The following MGAT4C variants were observed in gnomAD, a reference collection of about 807,000 sequenced individuals.
MGAT4C encodes alpha-1,3-mannosyl-glycoprotein 4-beta-N-acetylglucosaminyltransferase C.
In MGAT4C, 19 loss-of-function variants were observed where a neutral mutation model predicts 40.1. The observed-to-expected ratio is 0.47, with a 90% confidence interval of 0.33 to 0.70. The LOEUF (loss-of-function observed/expected upper bound fraction) is 0.70, where lower values mean the gene tolerates loss of function less well. Ranked by LOEUF, MGAT4C falls within the 30% of genes least tolerant of loss-of-function variation. MGAT4C has a pLI of 0.02. For synonymous variants in MGAT4C, 181 were observed against 187.1 expected, an observed-to-expected ratio of 0.97 and a Z score of 0.27; for missense variants, 491 against 563.2, an observed-to-expected ratio of 0.87 and a Z score of 1.30.
intron 2 of MGAT4C, among the ~76,000 whole-genome samples, chr12:86,548,644 C>T (rs1192255975): frequency 1.3e-5 from 2 of 152,152 alleles, no homozygotes; most frequent in African/African-American, 2.4e-5. Flanking sequence ...GCACAGAGCA[C>T]AGAGTCTGCA....
intron 2 of MGAT4C, among the ~76,000 whole-genome samples, chr12:86,534,683 G>A (rs1369273116): frequency 6.6e-6 from 1 of 152,034 alleles, no homozygotes; most frequent in African/African-American, 2.4e-5. Flanking sequence ...TAGTAACTAT[G>A]TCTTTTGACT....
chr12:86,742,835 A>G (rs1442117504), intron 1 of MGAT4C, among the ~76,000 whole-genome samples: 1 of 151,614 alleles, frequency 6.6e-6, no homozygotes, highest in Non-Finnish European at 1.5e-5. Flanking sequence ...AACATATCTT[A>G]AATCTTCCAT....
At chr12:86,377,572 T>G (rs568966126) in intron 3 of MGAT4C, among the ~76,000 whole-genome samples, 1 of 152,226 alleles carries the variant, frequency 6.6e-6, no homozygotes, top group Non-Finnish European at 1.5e-5. Context: ...CTCTTAACGA[T>G]GTTTTAATTT....
At chr12:86,475,560 C>T (rs1289492197) in intron 2 of MGAT4C, among the ~76,000 whole-genome samples, 1 of 151,850 alleles carries the variant, frequency 6.6e-6, no homozygotes, top group African/African-American at 2.4e-5. Flanking sequence ...GATTTTATGA[C>T]ACAGAATCTA....
chr12:86,303,460 A>G (rs973766522), intron 4 of MGAT4C, among the ~76,000 whole-genome samples: 1 of 150,254 alleles, frequency 6.7e-6, no homozygotes. Flanking sequence ...CGAAAATTCT[A>G]TTAATATCTC....
chr12:86,782,336 T>G (rs913027223), intron 1 of MGAT4C, among the ~76,000 whole-genome samples: 4 of 151,434 alleles, frequency 2.6e-5, no homozygotes, highest in Admixed American at 1.3e-4. Flanking sequence ...CGCCCGCCAC[T>G]ACGCCCGGCT....
chr12:86,552,487 A>T (rs2136398144), intron 2 of MGAT4C, among the ~76,000 whole-genome samples: 1 of 152,226 alleles, frequency 6.6e-6, no homozygotes, highest in African/African-American at 2.4e-5. Flanking sequence ...GTTAACAATA[A>T]TATATCATAT....
At chr12:86,398,085 G>T (rs1429378666) in intron 3 of MGAT4C, among the ~76,000 whole-genome samples, 1 of 152,198 alleles carries the variant, frequency 6.6e-6, no homozygotes, top group African/African-American at 2.4e-5. Flanking sequence ...GTGTGTATTA[G>T]TTTCCTGATG....
chr12:86,464,719 C>A (rs1473857961), intron 2 of MGAT4C, among the ~76,000 whole-genome samples: 1 of 151,966 alleles, frequency 6.6e-6, no homozygotes. Context: ...CAAAGGGAGT[C>A]TAGTCTATAA....
At chr12:86,279,469 G>A (rs79280570) in intron 4 of MGAT4C, among the ~76,000 whole-genome samples, 32 of 152,116 alleles carry the variant, frequency 2.1e-4, no homozygotes, top group African/African-American at 7.5e-4. Context: ...AGCCACAAGT[G>A]ATTCTTTAAT....
intron 2 of MGAT4C, among the ~76,000 whole-genome samples, chr12:86,603,058 C>G (rs996007898): frequency 6.6e-6 from 1 of 151,344 alleles, no homozygotes; most frequent in Admixed American, 6.6e-5. Context: ...GGAATCTAAA[C>G]CAGTGAAATT....
At chr12:86,229,807 A>G (rs929244408) in intron 1 of MGAT4C, among the ~76,000 whole-genome samples, 1 of 152,078 alleles carries the variant, frequency 6.6e-6, no homozygotes, top group Non-Finnish European at 1.5e-5. Context: ...AGGAAACATT[A>G]TATTACTTAT....
chr12:86,287,074 G>C (rs761178946), intron 4 of MGAT4C, among the ~76,000 whole-genome samples: 1 of 152,150 alleles, frequency 6.6e-6, no homozygotes, highest in Non-Finnish European at 1.5e-5. Flanking sequence ...CTTTATGGTA[G>C]AGTGAGTTAT....
Position 86,690,267 on chromosome 12 carries a change from C to A in MGAT4C, c.-229+36942G>T, listed in dbSNP as rs535369753. 5.9e-5 allele frequency among the ~76,000 whole-genome samples: 9 copies of A among 152,270 alleles called. No individual in the cohort carries two copies. The South Asian group carries it at 1.9e-3, about 32-fold the overall frequency. ...TTGCTTGGTTCAATGGAAGTGGGAT[C>A]CACTAAGCAAGACCACTTGGCTCCC... On this transcript the variant is annotated intron_variant, in intron 2 of 7. Transcript: ENST00000548651.
chr12:86,275,117 A>T (rs1322788332), intron 4 of MGAT4C, among the ~76,000 whole-genome samples: 1 of 152,254 alleles, frequency 6.6e-6, no homozygotes, highest in African/African-American at 2.4e-5. Flanking sequence ...TAATTGACAC[A>T]ATATATACCA....
At chr12:86,509,465 C>T (rs973231600) in intron 2 of MGAT4C, among the ~76,000 whole-genome samples, 2 of 152,074 alleles carry the variant, frequency 1.3e-5, no homozygotes, top group Non-Finnish European at 2.9e-5. Context: ...TTACTGTAAC[C>T]TTGTAGTATA....
Position 86,824,867 on chromosome 12 carries a change from T to A in MGAT4C, c.-262+13799A>T, listed in dbSNP as rs1203522329. The stretch of plus-strand genomic sequence containing the variant: ...TAGAGCCTTTACTGCTAGATTAAAA[T>A]GGAAAAATACCTTCAAAGTGCTCAA... On this transcript the variant is annotated intron_variant, in intron 1 of 7. Coordinates refer to the MGAT4C transcript ENST00000548651. Among the ~76,000 whole-genome samples the A allele has an allele frequency of 2.6e-5, 4 of 151,034 alleles. No individual in the cohort carries two copies. The East Asian group carries it at 7.8e-4, about 29-fold the overall frequency.
At position 85,973,713 on chromosome 12, in the gene MGAT4C, T is replaced by A. The variant is rs1883751478; in HGVS notation, c.*5576A>T. ...TGGTCATATACAATTTACCTATCAC[T>A]TTCTCACATAATCAATTTAACTTTT... On this transcript the variant is annotated 3_prime_UTR_variant, in exon 5 of 5. Transcript: ENST00000611864. 6.6e-6 allele frequency: 1 copy of A among 150,842 alleles called. No homozygotes were observed. Among genetic ancestry groups the A allele is most frequent in the African/African-American group, 2.4e-5 (1 of 41,320 alleles). The allele number at this position is 150,842 out of a possible 1,614,324, so 9.3% of individuals were successfully genotyped here. A position where few individuals can be genotyped will look rare whatever the true frequency, so the allele number is the denominator to read the frequency against.
At chr12:86,286,066 A>G (rs1311902091) in intron 4 of MGAT4C, among the ~76,000 whole-genome samples, 1 of 152,042 alleles carries the variant, frequency 6.6e-6, no homozygotes, top group Non-Finnish European at 1.5e-5. Flanking sequence ...TTTTTTCTAT[A>G]ATAAACATAC....
Sources: allele counts gnomAD v4.1 joint callset (sites outside exome capture counted in the v4.1 genomes callset), GRCh38; gene constraint gnomAD v4.1.1; transcripts MANE v1.5; gene names NCBI Gene and HGNC (gene_info 2026-07-23, HGNC 2026-07-21).